PLCL1: variants seen among roughly 807,000 people sequenced by gnomAD.
PLCL1 encodes phospholipase C like 1 (inactive).
A neutral mutation model predicts 84.4 loss-of-function variants in PLCL1; 41 were observed. The ratio of observed to expected loss-of-function variants is 0.49; its 90% confidence interval spans 0.38 to 0.63. The LOEUF (loss-of-function observed/expected upper bound fraction) is 0.63. Among genes scored for constraint, PLCL1 ranks in the 30% least tolerant of loss-of-function variants. The pLI is 0.00. For missense variants in PLCL1, 1,206 were observed against 1,367.8 expected (o/e 0.88, Z 1.87); for synonymous variants, 490 against 488.3 (o/e 1.00, Z -0.05).
chr2:198,017,791 A>G (rs1200724005), intron 1 of PLCL1, among the ~76,000 whole-genome samples: 1 of 152,236 alleles, frequency 6.6e-6, no homozygotes, highest in African/African-American at 2.4e-5. Context: ...GCAAGTTTAC[A>G]TGTATTCCCT....
At chr2:197,995,424 A>G (rs1347582290) in intron 1 of PLCL1, among the ~76,000 whole-genome samples, 1 of 152,146 alleles carries the variant, frequency 6.6e-6, no homozygotes, top group Non-Finnish European at 1.5e-5. Context: ...TCGCCATCCA[A>G]TGGAAAGGAA....
chr2:198,009,316 A>C (rs778109493), intron 1 of PLCL1, among the ~76,000 whole-genome samples: 1 of 151,958 alleles, frequency 6.6e-6, no homozygotes, highest in Admixed American at 6.6e-5. Context: ...AACAGTTTTA[A>C]GTCTAATTTT....
At chr2:197,818,469 C>T (rs1690737802) in intron 1 of PLCL1, among the ~76,000 whole-genome samples, 1 of 152,028 alleles carries the variant, frequency 6.6e-6, no homozygotes, top group South Asian at 2.1e-4. Flanking sequence ...CTTCCACTTA[C>T]CTCATTGTAA....
At chr2:198,053,800 C>A (rs57603546) in intron 1 of PLCL1, among the ~76,000 whole-genome samples, 27,358 of 152,142 alleles carry the variant, frequency 0.18, 2,494 homozygotes, top group East Asian at 0.26. Flanking sequence ...TAAAGCAATT[C>A]AGATAATTGT....
intron 1 of PLCL1, among the ~76,000 whole-genome samples, chr2:197,878,376 G>A (rs932502630): frequency 6.6e-6 from 1 of 152,130 alleles, no homozygotes; most frequent in African/African-American, 2.4e-5. Context: ...TACTGAAAAT[G>A]AGCTTACTGG....
chr2:198,037,534 G>T (rs933321814), intron 1 of PLCL1, among the ~76,000 whole-genome samples: 1 of 152,148 alleles, frequency 6.6e-6, no homozygotes, highest in African/African-American at 2.4e-5. Flanking sequence ...AGAAAACATT[G>T]CTTTAGAGAT....
At chr2:197,916,452 A>G (rs1004364798) in intron 1 of PLCL1, among the ~76,000 whole-genome samples, 2 of 152,190 alleles carry the variant, frequency 1.3e-5, no homozygotes, top group East Asian at 1.9e-4. Flanking sequence ...TTTATAAAAC[A>G]GAGATACTGA....
chr2:197,809,165 T>A (rs530825309), intron 1 of PLCL1, among the ~76,000 whole-genome samples: 4 of 152,338 alleles, frequency 2.6e-5, no homozygotes, highest in Admixed American at 6.5e-5. Flanking sequence ...GCAGTTCACA[T>A]TAAGTGCCTA....
At chr2:197,852,840 TC>T (rs1264386878) in intron 1 of PLCL1, among the ~76,000 whole-genome samples, 2 of 152,298 alleles carry the variant, frequency 1.3e-5, no homozygotes, top group African/African-American at 4.8e-5. Flanking sequence ...TGTATCTATG[TC>T]TGTCTATCTG....
chr2:197,848,207 G>A (rs988114055), intron 1 of PLCL1, among the ~76,000 whole-genome samples: 2 of 152,130 alleles, frequency 1.3e-5, no homozygotes, highest in Non-Finnish European at 2.9e-5. Flanking sequence ...GTAAAACAAT[G>A]GGTTTGGGAG....
intron 1 of PLCL1, among the ~76,000 whole-genome samples, chr2:197,855,673 CT>C (rs1687318544): frequency 2.0e-5 from 3 of 152,050 alleles, no homozygotes; most frequent in South Asian, 4.1e-4. Context: ...AACTTTACTC[CT>C]TGCCTAATGT....
chr2:198,031,659 CTTTTTTTTTTT>C (rs5837577), intron 1 of PLCL1, among the ~76,000 whole-genome samples: 1 of 103,826 alleles, frequency 9.6e-6, no homozygotes, highest in Admixed American at 1.0e-4. Flanking sequence ...ATGGCCAGTG[CTTTTTTTTTTT>C]TTTTTTTTTA....
chr2:197,814,151 G>A (rs990125424), intron 1 of PLCL1, among the ~76,000 whole-genome samples: 4 of 152,078 alleles, frequency 2.6e-5, no homozygotes, highest in Non-Finnish European at 4.4e-5. Flanking sequence ...TTGCTTTGTT[G>A]TACTTTGCAG....
chr2:197,844,258 A>G (rs1316359375), intron 1 of PLCL1, among the ~76,000 whole-genome samples: 1 of 152,128 alleles, frequency 6.6e-6, no homozygotes, highest in Non-Finnish European at 1.5e-5. Flanking sequence ...CCCCAGAAGG[A>G]GCACACCTTC....
intron 1 of PLCL1, among the ~76,000 whole-genome samples, chr2:197,927,243 G>A (rs778739444): frequency 1.3e-5 from 2 of 152,198 alleles, no homozygotes; most frequent in Non-Finnish European, 1.5e-5. Flanking sequence ...AAACTTAAAT[G>A]TTCTTTGTGA....
chr2:198,033,480 C>G (rs533635799), intron 1 of PLCL1, among the ~76,000 whole-genome samples: 32 of 152,100 alleles, frequency 2.1e-4, no homozygotes, highest in Non-Finnish European at 4.0e-4. Flanking sequence ...TTCTCAAATG[C>G]GACAGATTTT....
In PLCL1 at chr2:197,858,243, A is replaced by C. The variant is rs1407602509; in HGVS notation, c.240+52904A>C. Among the ~76,000 whole-genome samples the C allele has an allele frequency of 7.9e-5, 12 of 152,180 alleles. 1 individual carries two copies. Among genetic ancestry groups the C allele is most frequent in the Non-Finnish European group, 1.8e-4 (12 of 68,026 alleles). ...TGAGCTCAAATCCTGGCTCTCCAGCATGCTATCCATGTGATCCCAAGGCAA... is the reference window on the plus strand; with the variant it reads ...TGAGCTCAAATCCTGGCTCTCCAGCCTGCTATCCATGTGATCCCAAGGCAA... On this transcript the variant is annotated intron_variant, in intron 1 of 5. Transcript: ENST00000428675.
chr2:198,035,682 G>T (rs544390078), intron 1 of PLCL1, among the ~76,000 whole-genome samples: 2 of 152,344 alleles, frequency 1.3e-5, no homozygotes, highest in East Asian at 3.9e-4. Flanking sequence ...ACAAATAGAT[G>T]AGCAACTATG....
At chr2:197,853,761 G>A (rs1423487908) in intron 1 of PLCL1, among the ~76,000 whole-genome samples, 1 of 152,048 alleles carries the variant, frequency 6.6e-6, no homozygotes, top group Non-Finnish European at 1.5e-5. Context: ...TTCTACCCAA[G>A]CTATATTGCC....
Sources: gnomAD v4.1 joint callset for allele counts (sites outside exome capture counted in the v4.1 genomes callset) on GRCh38, gnomAD v4.1.1 for gene constraint, MANE v1.5 for transcripts, NCBI Gene and HGNC (gene_info 2026-07-23, HGNC 2026-07-21) for gene names.